The following TENM2 variants were observed in gnomAD, a reference collection of about 807,000 sequenced individuals.
TENM2 encodes the protein teneurin-2.
In TENM2, 52 loss-of-function variants were observed where a neutral mutation model predicts 245.2. The ratio of observed to expected loss-of-function variants is 0.21; its 90% CI spans 0.17 to 0.27. The LOEUF is 0.27. TENM2 is among the 10% of genes least tolerant of loss of function. TENM2 has a pLI of 1.00. For synonymous variants in TENM2, 1,363 were observed against 1,438.9 expected (o/e 0.95, Z 1.19); for missense variants, 3,046 against 3,666.8 (o/e 0.83, Z 4.37).
chr5:167,223,100 A>G, the TENM2 span, among the ~76,000 whole-genome samples: 6 of 152,092 alleles, frequency 3.9e-5, no homozygotes, highest in Non-Finnish European at 7.4e-5. Context: ...ATTTTGTTAC[A>G]TGCAAAAAAT....
chr5:167,674,629 C>T (rs1298222966), intron 2 of TENM2, among the ~76,000 whole-genome samples: 1 of 152,098 alleles, frequency 6.6e-6, no homozygotes, highest in Non-Finnish European at 1.5e-5. Context: ...CTCCGTGTGT[C>T]TCAATTTCCT....
intron 3 of TENM2, among the ~76,000 whole-genome samples, chr5:167,929,575 C>T (rs1437749454): frequency 6.6e-6 from 1 of 152,124 alleles, no homozygotes; most frequent in African/African-American, 2.4e-5. Flanking sequence ...ATGTTATTAG[C>T]ATCACAATCA....
chr5:168,035,018 G>A (rs2151974015), intron 5 of TENM2, among the ~76,000 whole-genome samples: 1 of 152,224 alleles, frequency 6.6e-6, no homozygotes. Context: ...TGAAAATTTA[G>A]CATCTGAATT....
At chr5:167,811,013 A>C (rs1766596433) in intron 2 of TENM2, among the ~76,000 whole-genome samples, 1 of 152,152 alleles carries the variant, frequency 6.6e-6, no homozygotes, top group South Asian at 2.1e-4. Flanking sequence ...CACAGAATGA[A>C]AGACACGTCT....
the TENM2 span, among the ~76,000 whole-genome samples, chr5:167,019,713 G>A: frequency 2.6e-5 from 4 of 151,908 alleles, no homozygotes; most frequent in African/African-American, 7.3e-5. Context: ...CAAGTGATCC[G>A]CTCGCCTCAG....
chr5:167,514,379 G>A (rs866366570), intron 2 of TENM2, among the ~76,000 whole-genome samples: 3 of 152,122 alleles, frequency 2.0e-5, no homozygotes, highest in Middle Eastern at 3.2e-3. Flanking sequence ...TAAGCTCTCT[G>A]CTGTCATATT....
chr5:167,865,072 C>A (rs113920100), intron 2 of TENM2, among the ~76,000 whole-genome samples: 2 of 152,244 alleles, frequency 1.3e-5, no homozygotes, highest in Admixed American at 1.3e-4. Flanking sequence ...AAAATAGATT[C>A]TAGGACGGCA....
chr5:167,004,885 A>G, the TENM2 span, among the ~76,000 whole-genome samples: 8 of 152,180 alleles, frequency 5.3e-5, no homozygotes, highest in African/African-American at 1.7e-4. Flanking sequence ...TTAAAGTTAA[A>G]TAAGCATTCA....
chr5:167,940,657 G>A (rs1779104440), intron 3 of TENM2, among the ~76,000 whole-genome samples: 1 of 152,212 alleles, frequency 6.6e-6, no homozygotes, highest in South Asian at 2.1e-4. Flanking sequence ...TAAGGATCCA[G>A]ATCAGGGCCT....
chr5:167,710,428 C>T (rs945790546), intron 2 of TENM2, among the ~76,000 whole-genome samples: 1 of 152,046 alleles, frequency 6.6e-6, no homozygotes, highest in Admixed American at 6.6e-5. Flanking sequence ...ACTTAAGTAA[C>T]CTAGGAAAGG....
At chr5:167,322,230 G>A (rs1430908166) in intron 1 of TENM2, among the ~76,000 whole-genome samples, 1 of 147,924 alleles carries the variant, frequency 6.8e-6, no homozygotes, top group Non-Finnish European at 1.5e-5. Context: ...TTTTTTTGTT[G>A]CTGTTGTTTT....
intron 1 of TENM2, among the ~76,000 whole-genome samples, chr5:167,307,549 C>T (rs1285733242): frequency 1.3e-5 from 2 of 152,058 alleles, no homozygotes; most frequent in Admixed American, 6.6e-5. Flanking sequence ...TCAAGCCACT[C>T]ATTTGACAGA....
chr5:167,256,767 G>A, the TENM2 span, among the ~76,000 whole-genome samples: 1 of 151,976 alleles, frequency 6.6e-6, no homozygotes, highest in Non-Finnish European at 1.5e-5. Context: ...TGGTGAAAAA[G>A]CAACTGGAAA....
chr5:167,329,551 CAAA>C (rs34165505), intron 1 of TENM2, among the ~76,000 whole-genome samples: 129 of 21,922 alleles, frequency 5.9e-3, no homozygotes, highest in African/African-American at 0.022. Context: ...GACTCAGTCT[CAAA>C]AAAAAAAAAA....
chr5:167,348,432 A>C (rs1465108711), intron 1 of TENM2, among the ~76,000 whole-genome samples: 1 of 152,158 alleles, frequency 6.6e-6, no homozygotes, highest in East Asian at 1.9e-4. Flanking sequence ...CGAGCCGGCA[A>C]TTCTCCAAGG....
At chr5:167,301,873 C>T (rs535470196) in intron 1 of TENM2, among the ~76,000 whole-genome samples, 309 of 152,038 alleles carry the variant, frequency 2.0e-3, no homozygotes, top group Admixed American at 6.4e-3. Flanking sequence ...AACTGTAAGC[C>T]GGACCGGGTG....
At chr5:167,795,812 G>T (rs899944167) in intron 2 of TENM2, among the ~76,000 whole-genome samples, 1 of 152,206 alleles carries the variant, frequency 6.6e-6, no homozygotes, top group African/African-American at 2.4e-5. Context: ...TGTCACTGAA[G>T]TGAGGAAGAC....
chr5:168,182,823 C>G (rs1423530101), intron 13 of TENM2, among the ~76,000 whole-genome samples: 2 of 133,926 alleles, frequency 1.5e-5, no homozygotes, highest in African/African-American at 6.1e-5. Context: ...CTTCAGGGTG[C>G]TCTTTTTTTT....
At chr5:167,332,313 A>T (rs1290023342) in intron 1 of TENM2, among the ~76,000 whole-genome samples, 1 of 152,066 alleles carries the variant, frequency 6.6e-6, no homozygotes, top group Non-Finnish European at 1.5e-5. Context: ...AATACCTTTT[A>T]TGCCTTTTTA....
Sources: gnomAD v4.1 joint callset for allele counts (sites outside exome capture counted in the v4.1 genomes callset) on GRCh38, gnomAD v4.1.1 for gene constraint, MANE v1.5 for transcripts, NCBI Gene and HGNC (gene_info 2026-07-23, HGNC 2026-07-21) for gene names.